Variants in GPR39 observed in about 807,000 individuals in gnomAD.
GPR39 encodes the protein G protein-coupled receptor 39.
In GPR39, 23 loss-of-function variants were observed where a neutral mutation model predicts 18.4. The observed-to-expected ratio is 1.25, with a 90% CI of 0.90 to 1.77. GPR39 has a LOEUF of 1.77. Among genes scored for constraint, GPR39 ranks in the 40% most tolerant of loss-of-function variants. The pLI, the probability that GPR39 is intolerant of heterozygous loss-of-function variation, is 0.00. For synonymous variants in GPR39, 280 were observed against 257.9 expected (o/e 1.09, Z -0.82); for missense variants, 647 against 602.4 (o/e 1.07, Z -0.78).
chr2:132,425,118 A>C (rs1282924782), intron 1 of GPR39, among the ~76,000 whole-genome samples: 2 of 152,154 alleles, frequency 1.3e-5, no homozygotes, highest in African/African-American at 4.8e-5. Flanking sequence ...CAACTCATAT[A>C]TCTCCCATGA....
At chr2:132,460,395 G>A (rs772233349) in intron 1 of GPR39, among the ~76,000 whole-genome samples, 2 of 152,174 alleles carry the variant, frequency 1.3e-5, no homozygotes, top group Non-Finnish European at 2.9e-5. Context: ...TTGATGTCTG[G>A]GCTGGGGGAG....
chr2:132,551,964 G>T (rs1680052744), intron 1 of GPR39, among the ~76,000 whole-genome samples: 2 of 152,200 alleles, frequency 1.3e-5, no homozygotes, highest in Non-Finnish European at 2.9e-5. Flanking sequence ...GGATGTATTA[G>T]TCAGGGTCCT....
intron 1 of GPR39, among the ~76,000 whole-genome samples, chr2:132,454,435 A>C (rs1012923347): frequency 1.3e-5 from 2 of 152,208 alleles, no homozygotes; most frequent in East Asian, 1.9e-4. Flanking sequence ...AAACAGGAAC[A>C]ATTTGACTTC....
intron 1 of GPR39, among the ~76,000 whole-genome samples, chr2:132,477,831 A>C (rs958072773): frequency 6.6e-6 from 1 of 152,212 alleles, no homozygotes; most frequent in Non-Finnish European, 1.5e-5. Context: ...TTCTCTTTTC[A>C]TCTTCCTCCT....
intron 1 of GPR39, among the ~76,000 whole-genome samples, chr2:132,490,549 T>A (rs1484560649): frequency 6.6e-6 from 1 of 151,860 alleles, no homozygotes; most frequent in Non-Finnish European, 1.5e-5. Context: ...TAACATCTAG[T>A]CGGAGAGACA....
intron 1 of GPR39, among the ~76,000 whole-genome samples, chr2:132,574,793 G>A (rs748453960): frequency 3.9e-5 from 6 of 152,092 alleles, no homozygotes; most frequent in Non-Finnish European, 5.9e-5. Flanking sequence ...CTTGTTATTT[G>A]TATTTAAAAC....
intron 1 of GPR39, among the ~76,000 whole-genome samples, chr2:132,569,807 T>TGA: frequency 6.5e-4 from 99 of 151,446 alleles, no homozygotes; most frequent in African/African-American, 2.2e-3. Flanking sequence ...GCTATTAACT[T>TGA]TAGAGTGAAT....
chr2:132,532,642 C>G (rs947065449), intron 1 of GPR39, among the ~76,000 whole-genome samples: 5 of 152,168 alleles, frequency 3.3e-5, no homozygotes, highest in Non-Finnish European at 7.3e-5. Context: ...AAAAGCTTAT[C>G]CACCATGATC....
intron 1 of GPR39, among the ~76,000 whole-genome samples, chr2:132,535,038 T>C (rs56212970): frequency 6.4e-4 from 97 of 152,274 alleles, no homozygotes; most frequent in Admixed American, 1.2e-3. Flanking sequence ...TAGTTTGACT[T>C]CCTCTCTTCC....
intron 1 of GPR39, among the ~76,000 whole-genome samples, chr2:132,605,753 C>T (rs534291839): frequency 1.5e-4 from 23 of 152,256 alleles, no homozygotes; most frequent in East Asian, 3.9e-4. Context: ...GGTGTTCAGT[C>T]GGCTGAGCAG....
chr2:132,592,371 C>T (rs1227869131), intron 1 of GPR39, among the ~76,000 whole-genome samples: 4 of 152,062 alleles, frequency 2.6e-5, no homozygotes, highest in African/African-American at 7.2e-5. Flanking sequence ...CACAGAAGGT[C>T]CAAAAGTCCT....
At chr2:132,537,886 C>T (rs1363474040) in intron 1 of GPR39, among the ~76,000 whole-genome samples, 8 of 151,960 alleles carry the variant, frequency 5.3e-5, no homozygotes, top group Non-Finnish European at 2.9e-5. Flanking sequence ...GTGTGTTTTT[C>T]AGCTCCATCA....
intron 1 of GPR39, among the ~76,000 whole-genome samples, chr2:132,471,125 G>A (rs1681023323): frequency 6.6e-6 from 1 of 152,164 alleles, no homozygotes; most frequent in South Asian, 2.1e-4. Flanking sequence ...AAGAAAGTGA[G>A]GCCAGGGAAG....
chr2:132,633,667 T>C (rs979856232), intron 1 of GPR39, among the ~76,000 whole-genome samples: 2 of 151,724 alleles, frequency 1.3e-5, no homozygotes, highest in Admixed American at 1.3e-4. Context: ...TGAGTACTGA[T>C]GGTGGAGGAG....
intron 1 of GPR39, among the ~76,000 whole-genome samples, chr2:132,618,056 C>A (rs1161683866): frequency 6.6e-6 from 1 of 152,198 alleles, no homozygotes; most frequent in Non-Finnish European, 1.5e-5. Context: ...CTAAATATGT[C>A]CCCTCCATTT....
intron 1 of GPR39, among the ~76,000 whole-genome samples, chr2:132,526,514 G>T (rs1424706265): frequency 6.6e-6 from 1 of 152,196 alleles, no homozygotes; most frequent in East Asian, 1.9e-4. Context: ...TCAGAAGTAT[G>T]TTTTTCTTAA....
chr2:132,488,854 A>ACTT (rs1343408635), intron 1 of GPR39: 1 of 168,494 alleles, frequency 5.9e-6, no homozygotes, highest in Non-Finnish European at 1.3e-5. Context: ...CAGCACCTCC[A>ACTT]CTTCTTCTCC....
intron 1 of GPR39, among the ~76,000 whole-genome samples, chr2:132,597,269 T>C (rs1368642921): frequency 6.6e-6 from 1 of 152,212 alleles, no homozygotes; most frequent in Non-Finnish European, 1.5e-5. Flanking sequence ...TCTGCTTACA[T>C]TGGCTTCCAG....
chr2:132,503,150 T>A (rs1327048309), intron 1 of GPR39, among the ~76,000 whole-genome samples: 2 of 152,222 alleles, frequency 1.3e-5, no homozygotes, highest in Non-Finnish European at 2.9e-5. Flanking sequence ...AAGGTTGTTT[T>A]GTCATATTAC....
Sources: allele counts gnomAD v4.1 joint callset (sites outside exome capture counted in the v4.1 genomes callset), GRCh38; gene constraint gnomAD v4.1.1; transcripts MANE v1.5; gene names NCBI Gene and HGNC (gene_info 2026-07-23, HGNC 2026-07-21).